The following SMC6 variants were observed in gnomAD, a reference collection of about 807,000 sequenced individuals.
SMC6 encodes the protein structural maintenance of chromosomes 6, also known as structural maintenance of chromosomes protein 6.
Under a neutral mutation model 142.2 loss-of-function variants are expected in SMC6, and 79 were observed. That is an observed-to-expected ratio of 0.56 (90% CI 0.46 to 0.67). SMC6 has a LOEUF of 0.67. Ranked by LOEUF, SMC6 falls within the 30% of genes least tolerant of loss-of-function variation. The pLI, the probability that SMC6 is intolerant of heterozygous loss-of-function variation, is 0.00. For synonymous variants in SMC6, 411 were observed against 412.4 expected (o/e 1.00, Z 0.04); for missense variants, 1,072 against 1,284.0 (o/e 0.83, Z 2.52).
chr2:17,691,235 C>T (rs1240700979), intron 23 of SMC6, among the ~76,000 whole-genome samples: 5 of 53,758 alleles, frequency 9.3e-5, no homozygotes, highest in African/African-American at 2.4e-4. Context: ...AATGTGTATA[C>T]ACACACACAC....
rs1666412234 is a variant in SMC6, at chr2:17,664,658, A to T, written c.*841T>A. ...CACTTTTTAACACCCCTCAATTAGG[A>T]TGAGTCTTAGAATTGATGTCAGCTC... On this transcript the variant is annotated 3_prime_UTR_variant, in exon 28 of 28. Transcript: ENST00000448223. 6.6e-6 allele frequency: 1 copy of T among 152,180 alleles called. No homozygotes were observed. Among genetic ancestry groups the T allele is most frequent in the Non-Finnish European group, 1.5e-5 (1 of 68,038 alleles). The allele number at this position is 152,180 out of a possible 1,614,324, so 9.4% of individuals were successfully genotyped here.
In SMC6 at chr2:17,731,080, G is replaced by A; in HGVS notation, c.541C>T (p.Gln181Ter). ...TGAAACACAAATTCACCAATTACCTGGATGTTAAAATGATCAAGAATTGCA... is the reference window on the plus strand; with the variant it reads ...TGAAACACAAATTCACCAATTACCTAGATGTTAAAATGATCAAGAATTGCA... ...LIAILDHFNIQVDNPVSVLTQ... is the reference protein window; with the variant it reads ...LIAILDHFNI The change falls in exon 7 of 28, where the codon CAG (glutamine) becomes TAG (stop). Residue 181 changes from glutamine to a stop codon, truncating the protein, a stop_gained and splice_region_variant. Transcript: ENST00000448223. LOFTEE classifies it high-confidence loss of function. 1 of 1,610,166 alleles carries A rather than the reference G, an allele frequency of 6.2e-7. No individual in the cohort carries two copies. The highest frequency in any genetic ancestry group is 2.2e-5 in the East Asian group (1 of 44,818).
intron 5 of SMC6, among the ~76,000 whole-genome samples, chr2:17,733,323 T>A (rs1669997290): frequency 6.6e-6 from 1 of 152,202 alleles, no homozygotes; most frequent in Non-Finnish European, 1.5e-5. Context: ...ACGATATAAT[T>A]TTCCATCCCA....
chr2:17,716,142 G>T lies in SMC6; in HGVS notation c.1469C>A (p.Ala490Asp). 4 of 1,610,350 alleles carry T rather than the reference G, an allele frequency of 2.5e-6. No homozygotes were observed. Among genetic ancestry groups the T allele is most frequent in the Non-Finnish European group, 3.4e-6 (4 of 1,179,080 alleles). Residue 490 changes from alanine (A) to aspartate (D), a missense_variant, in exon 15 of 28, where the codon GCC becomes GAC. By Grantham distance (126) the Ala-to-Asp change is moderately radical. Coordinates refer to ENST00000448223, the MANE Select transcript of SMC6 (RefSeq NM_001142286.2). ...TCCTTGTCTATAAGCATCATCTATG[G>T]CTTCAAGAAGAGCTGGAACATTAGG... Reference protein sequence around the residue: ...FGPNVPALLEAIDDAYRQGHF... With the variant: ...FGPNVPALLEDIDDAYRQGHF...
At chr2:17,732,692 C>T (rs2125049399) in intron 5 of SMC6, among the ~76,000 whole-genome samples, 1 of 122,160 alleles carries the variant, frequency 8.2e-6, no homozygotes, top group South Asian at 2.2e-4. Flanking sequence ...GAGAGAGACT[C>T]GGTCTCAAAA....
rs758826409 is a variant in SMC6, at chr2:17,721,000, ATC to A, written c.883_884del (p.Asp295Ter). 1 of 1,613,754 alleles carries A rather than the reference ATC, an allele frequency of 6.2e-7. No homozygotes were observed. Among genetic ancestry groups the A allele is most frequent in the Non-Finnish European group, 8.5e-7 (1 of 1,179,886 alleles). ...EIEKQLNAIR[D>X]NIKIGEDRAA... The stretch of plus-strand genomic sequence containing the variant: ...CACGATCTTCTCCAATTTTGATATT[ATC>A]TCTGATGGCATTCAATTGTTTTTCA... On this transcript the variant is annotated frameshift_variant, in exon 11 of 28. Transcript: ENST00000448223. LOFTEE classifies it high-confidence loss of function.
At chr2:17,701,051 T>C (rs1668247638) in intron 20 of SMC6, among the ~76,000 whole-genome samples, 1 of 148,764 alleles carries the variant, frequency 6.7e-6, no homozygotes, top group Admixed American at 6.7e-5. Context: ...ATAATAATAA[T>C]AATAATAATA....
chr2:17,736,150 A>G (rs540959571), intron 5 of SMC6, among the ~76,000 whole-genome samples: 140 of 152,338 alleles, frequency 9.2e-4, no homozygotes, highest in African/African-American at 2.3e-3. Context: ...AAGGGGATAG[A>G]TAAGAACAAT....
chr2:17,716,043 A>T, intron 15 of SMC6, 43 bp downstream of exon 15: 1 of 1,377,746 alleles, frequency 7.3e-7, no homozygotes. Context: ...ATAAAAACTT[A>T]TTTCTAAAGT....
intron 20 of SMC6, among the ~76,000 whole-genome samples, chr2:17,700,619 C>A (rs539996582): frequency 2.0e-5 from 3 of 152,200 alleles, no homozygotes; most frequent in Admixed American, 6.5e-5. Context: ...AGATCATAAT[C>A]AAAAAGAATG....
chr2:17,747,139 T>G (rs143861836), intron 2 of SMC6, among the ~76,000 whole-genome samples: 371 of 152,184 alleles, frequency 2.4e-3, no homozygotes, highest in African/African-American at 7.5e-3. Flanking sequence ...AGAGCCTAGA[T>G]TTCCACCCAT....
intron 18 of SMC6, 60 bp downstream of exon 18, chr2:17,707,159 G>A: frequency 1.5e-6 from 2 of 1,323,590 alleles, no homozygotes; most frequent in Non-Finnish European, 2.0e-6. Context: ...TAATATGAAA[G>A]AAAATGAACC....
chr2:17,739,835 C>CACACAG (rs1670341347), intron 4 of SMC6, among the ~76,000 whole-genome samples: 2 of 119,142 alleles, frequency 1.7e-5, no homozygotes, highest in African/African-American at 7.6e-5. Context: ...CACACACACA[C>CACACAG]ACACACACAG....
intron 19 of SMC6, among the ~76,000 whole-genome samples, chr2:17,702,833 G>T (rs1668336056): frequency 1.3e-5 from 2 of 152,100 alleles, no homozygotes; most frequent in South Asian, 4.2e-4. Context: ...CCATGATTGT[G>T]AGGCCTCCCC....
At chr2:17,721,390 TA>T in intron 9 of SMC6, 129 bp from the exon 10 acceptor site, 1 of 964,008 alleles carries the variant, frequency 1.0e-6, no homozygotes, top group African/African-American at 1.7e-5. Flanking sequence ...AAATAACTTC[TA>T]TTTTTTAAAA....
At chr2:17,702,793 C>T (rs979132393) in intron 19 of SMC6, among the ~76,000 whole-genome samples, 1 of 152,076 alleles carries the variant, frequency 6.6e-6, no homozygotes, top group South Asian at 2.1e-4. Flanking sequence ...TCATGGCTGC[C>T]GCCACGTAAG....
At chr2:17,682,450 G>A (rs915876652) in intron 24 of SMC6, among the ~76,000 whole-genome samples, 1 of 152,172 alleles carries the variant, frequency 6.6e-6, no homozygotes, top group African/African-American at 2.4e-5. Flanking sequence ...CTGGAGCTGG[G>A]AATCTGGGGA....
intron 5 of SMC6, among the ~76,000 whole-genome samples, chr2:17,732,277 C>A (rs1181742092): frequency 6.6e-6 from 1 of 151,854 alleles, no homozygotes; most frequent in Non-Finnish European, 1.5e-5. Context: ...TGACAGTAGG[C>A]CTTTAAAGAA....
intron 9 of SMC6, among the ~76,000 whole-genome samples, chr2:17,722,368 A>G (rs139748608): frequency 2.1e-3 from 316 of 152,236 alleles, no homozygotes; most frequent in East Asian, 8.1e-3. Flanking sequence ...GTCTAAATCC[A>G]CTGATTTTCC....
Sources: allele counts gnomAD v4.1 joint callset (sites outside exome capture counted in the v4.1 genomes callset), GRCh38; gene constraint gnomAD v4.1.1; transcripts MANE v1.5; gene names NCBI Gene and HGNC (gene_info 2026-07-23, HGNC 2026-07-21).